Variants in ADARB2 observed in about 807,000 individuals in gnomAD.
ADARB2 encodes adenosine deaminase RNA specific B2 (inactive).
In ADARB2, 25 loss-of-function variants were observed where a neutral mutation model predicts 62.2. That is an observed-to-expected ratio of 0.40 (90% CI 0.29 to 0.56). The LOEUF is 0.56. ADARB2 is among the 20% of genes least tolerant of loss of function. The pLI is 0.43. For synonymous variants in ADARB2, 572 were observed against 500.8 expected (o/e 1.14, Z -1.90); for missense variants, 1,071 against 1,077.4 (o/e 0.99, Z 0.08).
At chr10:1,276,656 G>A (rs1261529704) in intron 3 of ADARB2, among the ~76,000 whole-genome samples, 1 of 152,046 alleles carries the variant, frequency 6.6e-6, no homozygotes. Context: ...CAATAATAAC[G>A]GGAGACTTTA....
intron 1 of ADARB2, among the ~76,000 whole-genome samples, chr10:1,635,313 T>A (rs1192194924): frequency 3.9e-5 from 6 of 152,248 alleles, no homozygotes; most frequent in Non-Finnish European, 8.8e-5. Flanking sequence ...CTGTGCAAAG[T>A]GCTGGGCCTG....
rs370522584 is a variant in ADARB2 at position 1,263,737 on chromosome 10, AC to A, written c.1192+7217del. Among the ~76,000 whole-genome samples the A allele has an allele frequency of 5.3e-5, 8 of 152,322 alleles. No individual in the cohort carries two copies. In the East Asian group the frequency reaches 1.3e-3, roughly 26 times the overall value. On this transcript the variant is annotated intron_variant, in intron 4 of 9. Transcript: ENST00000381312. Reference sequence around the variant, plus strand: ...AAGGCATTTGGTGAGGATTTAACTCACGGCCAGGGCTGCCAGTCCTCTCCTT... The same window carrying A: ...AAGGCATTTGGTGAGGATTTAACTCAGGCCAGGGCTGCCAGTCCTCTCCTT...
rs776191608 is a variant in ADARB2, at chr10:1,622,476, TC to T, written c.100+114574del. On this transcript the variant is annotated intron_variant, in intron 1 of 9. Coordinates refer to ENST00000381312, the MANE Select transcript of ADARB2 (RefSeq NM_018702.4). ...TTATCTAGAATATATATATAAAGAA[TC>T]CTACAACTCAGTAATGACAAGAATC... is the stretch of plus-strand genomic sequence containing the variant. Among the ~76,000 whole-genome samples, 14 of 152,216 alleles carry T rather than the reference TC, an allele frequency of 9.2e-5. No individual in the cohort carries two copies. In the South Asian group the frequency reaches 1.9e-3, roughly 20 times the overall value.
intron 1 of ADARB2, among the ~76,000 whole-genome samples, chr10:1,382,291 C>A (rs1311428953): frequency 6.6e-6 from 1 of 152,136 alleles, no homozygotes; most frequent in Non-Finnish European, 1.5e-5. Flanking sequence ...CTTGAGCAAC[C>A]AAACTGAAGC....
rs140030399 is a variant in ADARB2 at position 1,527,642 on chromosome 10, G to A, written c.101-148482C>T. Among the ~76,000 whole-genome samples, 185 of 152,300 alleles carry A rather than the reference G, an allele frequency of 1.2e-3. 1 individual carries two copies. The highest frequency in any genetic ancestry group is 3.4e-3 in the Middle Eastern group (1 of 294). On this transcript the variant is annotated intron_variant, in intron 1 of 9. Coordinates refer to ENST00000381312, the MANE Select transcript of ADARB2 (RefSeq NM_018702.4). Reference sequence around the variant, plus strand: ...CATAACAGGATGATATACATAACAGGATGATTAGAAAGTTAAAAATATAAT... The same window carrying A: ...CATAACAGGATGATATACATAACAGAATGATTAGAAAGTTAAAAATATAAT...
At chr10:1,220,207 G>GTGGTGATGATGGTGA (rs1195970778) in intron 6 of ADARB2, among the ~76,000 whole-genome samples, 1 of 147,210 alleles carries the variant, frequency 6.8e-6, no homozygotes, top group Non-Finnish European at 1.5e-5. Context: ...GATGGTAATG[G>GTGGTGATGATGGTGA]TGGTGATGAT....
chr10:1,499,538 C>G, intron 1 of ADARB2, among the ~76,000 whole-genome samples: 1 of 151,806 alleles, frequency 6.6e-6, no homozygotes, highest in East Asian at 1.9e-4. Context: ...ATTCATCACT[C>G]GCTCATGTCT....
At chr10:1,449,693 C>A (rs2676174) in intron 1 of ADARB2, among the ~76,000 whole-genome samples, 10,441 of 152,214 alleles carry the variant, frequency 0.069, 1,113 homozygotes, top group African/African-American at 0.23. Context: ...CCTTTAAAGG[C>A]GGGGACACAG....
rs148837644 is a variant in ADARB2, at chr10:1,560,773, C to T, written c.100+176278G>A. 4.5e-4 allele frequency among the ~76,000 whole-genome samples: 69 copies of T among 152,302 alleles called. 1 individual carries two copies. Among genetic ancestry groups the T allele is most frequent in the Admixed American group, 7.2e-4 (11 of 15,304 alleles). On this transcript the variant is annotated intron_variant, in intron 1 of 9. Coordinates refer to ENST00000381312, the MANE Select transcript of ADARB2 (RefSeq NM_018702.4). Reference sequence around the variant, plus strand: ...ACGCAGCCTCCCAGGGACTTGTGGACGGTCATCTGTCTACACCGAGCCCCA... The same window carrying T: ...ACGCAGCCTCCCAGGGACTTGTGGATGGTCATCTGTCTACACCGAGCCCCA...
chr10:1,248,847 C>T (rs562804356), intron 4 of ADARB2, among the ~76,000 whole-genome samples: 2 of 152,306 alleles, frequency 1.3e-5, no homozygotes, highest in African/African-American at 4.8e-5. Flanking sequence ...GGCTCCTGCA[C>T]CCCCGCCAAA....
At chr10:1,287,670 G>T (rs1193240116) in intron 3 of ADARB2, among the ~76,000 whole-genome samples, 1 of 152,218 alleles carries the variant, frequency 6.6e-6, no homozygotes, top group East Asian at 1.9e-4. Context: ...GTCACTTTTA[G>T]TGAAATCATC....
rs189789673 is a variant in ADARB2, at chr10:1,185,026, G to T, written c.1878C>A (p.Ala626=). ...NRPLLSGVSD[A]EARQPGKSPP... is the part of the protein sequence containing the mutation. ...GCGACTTCCCCGGCTGGCGCGCCTC[G>T]GCGTCACTCACGCCTGTCGGGGAGA... is the stretch of plus-strand genomic sequence containing the variant. The change falls in exon 9 of 10, where the codon GCC becomes GCA. Residue 626 remains alanine, a synonymous_variant. Transcript: ENST00000381312. 2 of 1,612,552 alleles carry T rather than the reference G, an allele frequency of 1.2e-6. No homozygotes were observed. The highest frequency in any genetic ancestry group is 1.7e-6 in the Non-Finnish European group (2 of 1,179,594).
intron 1 of ADARB2, among the ~76,000 whole-genome samples, chr10:1,507,627 T>C (rs1479286656): frequency 6.6e-6 from 1 of 151,882 alleles, no homozygotes; most frequent in Admixed American, 6.5e-5. Flanking sequence ...GTGTAGCTCC[T>C]GTGTGGGCAC....
At chr10:1,515,610 C>T (rs1831999039) in intron 1 of ADARB2, among the ~76,000 whole-genome samples, 1 of 152,226 alleles carries the variant, frequency 6.6e-6, no homozygotes, top group South Asian at 2.1e-4. Context: ...GTTCTTGGAG[C>T]ACTGGTCCTT....
chr10:1,400,060 A>T (rs916155404), intron 1 of ADARB2, among the ~76,000 whole-genome samples: 2 of 152,248 alleles, frequency 1.3e-5, no homozygotes, highest in Admixed American at 6.5e-5. Flanking sequence ...GGTTCAGATC[A>T]GGGGAAAAGC....
chr10:1,427,660 G>A (rs138935402), intron 1 of ADARB2, among the ~76,000 whole-genome samples: 119 of 152,332 alleles, frequency 7.8e-4, no homozygotes, highest in African/African-American at 2.7e-3. Flanking sequence ...CTGGAAAACA[G>A]TTTGGCAGTT....
chr10:1,586,017 G>C (rs1457403501), intron 1 of ADARB2, among the ~76,000 whole-genome samples: 1 of 152,142 alleles, frequency 6.6e-6, no homozygotes, highest in Non-Finnish European at 1.5e-5. Flanking sequence ...CTGGGTGACA[G>C]AGCGAGACTC....
intron 5 of ADARB2, among the ~76,000 whole-genome samples, chr10:1,240,720 C>G (rs1830911839): frequency 6.6e-6 from 1 of 152,202 alleles, no homozygotes; most frequent in Non-Finnish European, 1.5e-5. Flanking sequence ...GTGGACCCCC[C>G]CAGCTGGTGG....
intron 1 of ADARB2, among the ~76,000 whole-genome samples, chr10:1,673,254 T>C (rs1834414996): frequency 6.6e-6 from 1 of 152,148 alleles, no homozygotes; most frequent in Non-Finnish European, 1.5e-5. Context: ...TATACATGTA[T>C]ATGTATAATA....
Sources: allele counts gnomAD v4.1 joint callset (sites outside exome capture counted in the v4.1 genomes callset), GRCh38; gene constraint gnomAD v4.1.1; transcripts MANE v1.5; gene names NCBI Gene and HGNC (gene_info 2026-07-23, HGNC 2026-07-21).